RBPMS: variants seen among roughly 807,000 people sequenced by gnomAD.
The protein encoded by RBPMS is RNA binding protein, mRNA processing factor.
Under a neutral mutation model 26.8 loss-of-function variants are expected in RBPMS, and 7 were observed. That is an observed-to-expected ratio of 0.26 (90% CI 0.15 to 0.49). The LOEUF (loss-of-function observed/expected upper bound fraction) is 0.49. Among genes scored for constraint, RBPMS ranks in the 20% least tolerant of loss-of-function variants. RBPMS has a pLI of 0.98. For synonymous variants in RBPMS, 96 were observed against 93.3 expected (o/e 1.03, Z -0.17); for missense variants, 186 against 250.0 (o/e 0.74, Z 1.73).
intron 4 of RBPMS, among the ~76,000 whole-genome samples, chr8:30,502,002 T>G (rs1321998867): frequency 6.6e-6 from 1 of 152,182 alleles, no homozygotes; most frequent in East Asian, 1.9e-4. Context: ...TCCCTATGGA[T>G]GGAAACTTAG....
intron 1 of RBPMS, among the ~76,000 whole-genome samples, chr8:30,439,950 C>A (rs989875943): frequency 6.6e-6 from 1 of 152,058 alleles, no homozygotes; most frequent in Admixed American, 6.6e-5. Flanking sequence ...GAGGCTGAGG[C>A]GGGATTACTT....
At chr8:30,525,559 A>AC (rs1384815198) in intron 5 of RBPMS, among the ~76,000 whole-genome samples, 1 of 152,262 alleles carries the variant, frequency 6.6e-6, no homozygotes, top group Admixed American at 6.5e-5. Flanking sequence ...CATAAAACAA[A>AC]CCATCAGATA....
intron 1 of RBPMS, among the ~76,000 whole-genome samples, chr8:30,391,245 T>C (rs1175804727): frequency 6.6e-6 from 1 of 152,192 alleles, no homozygotes; most frequent in Non-Finnish European, 1.5e-5. Context: ...TAGAATTTGG[T>C]TTCTGCTGTG....
At chr8:30,538,356 G>A (rs371988876) in intron 5 of RBPMS, among the ~76,000 whole-genome samples, 4 of 152,058 alleles carry the variant, frequency 2.6e-5, no homozygotes, top group African/African-American at 7.2e-5. Flanking sequence ...CCAGGTTCAA[G>A]CAGTTCTCCT....
At chr8:30,545,859 G>A (rs1483335436) in intron 6 of RBPMS, among the ~76,000 whole-genome samples, 1 of 152,194 alleles carries the variant, frequency 6.6e-6, no homozygotes, top group Non-Finnish European at 1.5e-5. Flanking sequence ...GTTGGGAGAA[G>A]AAGGGAGAAA....
intron 6 of RBPMS, chr8:30,545,463 A>G: frequency 1.0e-6 from 1 of 1,004,648 alleles, no homozygotes; most frequent in African/African-American, 1.7e-5. Flanking sequence ...TAACAAATAG[A>G]AAGTACGTAC....
chr8:30,459,767 A>G (rs1815678013), intron 1 of RBPMS, among the ~76,000 whole-genome samples: 1 of 152,242 alleles, frequency 6.6e-6, no homozygotes, highest in Non-Finnish European at 1.5e-5. Context: ...TAGTCATTAA[A>G]AATTTATACA....
At chr8:30,568,041 C>T (rs567041420) in intron 8 of RBPMS, among the ~76,000 whole-genome samples, 1 of 152,284 alleles carries the variant, frequency 6.6e-6, no homozygotes, top group South Asian at 2.1e-4. Flanking sequence ...TTCCAAACTG[C>T]AGAAGACCAT....
chr8:30,527,532 T>C (rs1326277448), intron 5 of RBPMS, among the ~76,000 whole-genome samples: 1 of 152,178 alleles, frequency 6.6e-6, no homozygotes, highest in East Asian at 1.9e-4. Flanking sequence ...CGTCACCCAC[T>C]AGCTGGCCTA....
At chr8:30,528,903 G>C (rs557285600) in intron 5 of RBPMS, among the ~76,000 whole-genome samples, 1 of 148,338 alleles carries the variant, frequency 6.7e-6, no homozygotes, top group African/African-American at 2.4e-5. Context: ...ATTTTTTTTT[G>C]GTATGTTATT....
At chr8:30,501,286 C>G (rs1820531623) in intron 4 of RBPMS, among the ~76,000 whole-genome samples, 1 of 141,122 alleles carries the variant, frequency 7.1e-6, no homozygotes, top group Non-Finnish European at 1.5e-5. Flanking sequence ...ACCCCAACAC[C>G]CTTTCTGCAT....
In RBPMS at chr8:30,474,784, G is replaced by T. The variant is rs368733156; in HGVS notation, c.72G>T (p.Arg24=). The change falls in exon 2 of 9, where the codon CGG becomes CGT. Residue 24 remains arginine (R), a synonymous_variant. Coordinates refer to ENST00000397323, the MANE Select transcript of RBPMS (RefSeq NM_001008710.3). ...SEANLQEEEV[R]TLFVSGLPLD... Reference sequence around the variant, plus strand: ...TCCTAAATTTATTTTTCCAGGTCCGGACCCTATTTGTCAGTGGCCTTCCTC... The same window carrying T: ...TCCTAAATTTATTTTTCCAGGTCCGTACCCTATTTGTCAGTGGCCTTCCTC... 7.5e-6 allele frequency: 12 copies of T among 1,608,952 alleles called. No individual in the cohort carries two copies. The African/African-American group carries it at 9.4e-5, about 13-fold the overall frequency.
chr8:30,428,635 A>C (rs1329404734), intron 1 of RBPMS, among the ~76,000 whole-genome samples: 1 of 152,188 alleles, frequency 6.6e-6, no homozygotes, highest in Non-Finnish European at 1.5e-5. Context: ...AGATAAAATA[A>C]AGAAATCTAA....
At chr8:30,387,785 C>T (rs146325382) in intron 1 of RBPMS, among the ~76,000 whole-genome samples, 54 of 152,210 alleles carry the variant, frequency 3.5e-4, no homozygotes, top group African/African-American at 1.3e-3. Flanking sequence ...AGTTTCGAAA[C>T]GAATTCCTTC....
At position 30,474,821 on chromosome 8, in the gene RBPMS, C is replaced by T. The variant is rs772600046; in HGVS notation, c.109C>T (p.Pro37Ser). Residue 37 changes from proline to serine, a missense_variant, in exon 2 of 9, where the codon CCT becomes TCT. Coordinates refer to ENST00000397323, the MANE Select transcript of RBPMS (RefSeq NM_001008710.3). ...FVSGLPLDIK[P>S]RELYLLFRPF... ...CAGTGGCCTTCCTCTGGATATCAAA[C>T]CTCGGGAGCTCTATCTGCTTTTCAG... is the stretch of plus-strand genomic sequence containing the variant. 2.5e-6 allele frequency: 4 copies of T among 1,612,420 alleles called. No individual in the cohort carries two copies. Among genetic ancestry groups the T allele is most frequent in the Non-Finnish European group, 2.5e-6 (3 of 1,178,594 alleles).
intron 1 of RBPMS, among the ~76,000 whole-genome samples, chr8:30,416,125 T>G: frequency 6.6e-6 from 1 of 152,168 alleles, no homozygotes; most frequent in East Asian, 1.9e-4. Context: ...TGTTCCCTGT[T>G]TCTTCTTGGG....
Position 30,477,867 on chromosome 8 carries a change from C to A in RBPMS, c.183+30C>A, listed in dbSNP as rs769893452. On this transcript the variant is annotated intron_variant, in intron 3 of 8. Transcript: ENST00000397323. ...GAATTTCAAAGTGGCATATAAAGAT[C>A]ACTTTTTTACTTTCCTCAGGAATAT... 1.4e-5 allele frequency: 20 copies of A among 1,468,456 alleles called. No homozygotes were observed. In the South Asian group the frequency reaches 2.3e-4, roughly 17 times the overall value. The allele number at this position is 1,468,456 out of a possible 1,614,324, so 91.0% of individuals were successfully genotyped here.
At chr8:30,554,097 T>G (rs1453148877) in intron 6 of RBPMS, among the ~76,000 whole-genome samples, 1 of 152,210 alleles carries the variant, frequency 6.6e-6, no homozygotes, top group Non-Finnish European at 1.5e-5. Context: ...TATTAACTAT[T>G]TTGTTCAAAG....
intron 1 of RBPMS, among the ~76,000 whole-genome samples, chr8:30,451,790 T>G (rs1444422564): frequency 6.6e-6 from 1 of 152,196 alleles, no homozygotes; most frequent in African/African-American, 2.4e-5. Flanking sequence ...AATATCAAAT[T>G]GTAACAAATC....
Sources: gnomAD v4.1 joint callset for allele counts (sites outside exome capture counted in the v4.1 genomes callset) on GRCh38, gnomAD v4.1.1 for gene constraint, MANE v1.5 for transcripts, NCBI Gene and HGNC (gene_info 2026-07-23, HGNC 2026-07-21) for gene names.